STUM: variants seen among roughly 807,000 people sequenced by gnomAD.
STUM encodes the protein stum, mechanosensory transduction mediator homolog.
STUM carries 8 observed loss-of-function variants against 15.3 expected under a neutral mutation model. The ratio of observed to expected loss-of-function variants is 0.52; its 90% CI spans 0.31 to 0.94. The LOEUF is 0.94. STUM is among the 40% of genes least tolerant of loss of function. The pLI is 0.05. For synonymous variants in STUM, 78 were observed against 88.7 expected, an observed-to-expected ratio of 0.88 and a Z score of 0.68; for missense variants, 142 against 204.9, an observed-to-expected ratio of 0.69 and a Z score of 1.87.
rs1452672023 is a variant in STUM, at chr1:226,548,939, CGGCGGCGGCGGCGGT to C, written c.47_61del (p.Ala16_Ala20del). 24 of 1,449,424 alleles carry C rather than the reference CGGCGGCGGCGGCGGT, an allele frequency of 1.7e-5. No homozygotes were observed. The East Asian group carries it at 3.9e-4, about 23-fold the overall frequency. The allele number at this position is 1,449,424 out of a possible 1,614,324, so 89.8% of individuals were successfully genotyped here. On this transcript the variant is annotated inframe_deletion, in exon 1 of 4. Transcript: ENST00000366788. Reference sequence around the variant, plus strand: ...TCGCACAAAGACGCCGAGACGGCGGCGGCGGCGGCGGCGGTGGCGGCGGCGGACCCCCGGGGGGCG... The same window carrying C: ...TCGCACAAAGACGCCGAGACGGCGGCGGCGGCGGCGGACCCCCGGGGGGCG...
At chr1:226,576,806 C>T (rs984003023) in intron 1 of STUM, among the ~76,000 whole-genome samples, 20 of 152,198 alleles carry the variant, frequency 1.3e-4, no homozygotes, top group East Asian at 5.8e-4. Context: ...TGTCTAGTTC[C>T]GTGGACACAC....
At chr1:226,584,611 G>C (rs2102703854) in intron 1 of STUM, among the ~76,000 whole-genome samples, 1 of 152,192 alleles carries the variant, frequency 6.6e-6, no homozygotes, top group Non-Finnish European at 1.5e-5. Flanking sequence ...CCTGCCATTT[G>C]ACTGAGAGCC....
At chr1:226,555,442 C>A (rs1667432004) in intron 1 of STUM, among the ~76,000 whole-genome samples, 1 of 152,358 alleles carries the variant, frequency 6.6e-6, no homozygotes, top group South Asian at 2.1e-4. Flanking sequence ...CCTCCTCTTT[C>A]CCCATCTCAG....
intron 1 of STUM, among the ~76,000 whole-genome samples, chr1:226,568,533 A>G (rs116098113): frequency 6.6e-6 from 1 of 152,246 alleles, no homozygotes; most frequent in African/African-American, 2.4e-5. Context: ...TTCAACACAC[A>G]TTTAATTTTT....
rs915071873 is a variant in STUM at position 226,574,775 on chromosome 1, G to A, written c.203-22027G>A. Among the ~76,000 whole-genome samples the A allele has an allele frequency of 5.9e-5, 9 of 152,290 alleles. No homozygotes were observed. The South Asian group carries it at 6.2e-4, about 11-fold the overall frequency. On this transcript the variant is annotated intron_variant, in intron 1 of 3. Coordinates refer to ENST00000366788, the MANE Select transcript of STUM (RefSeq NM_001003665.4). ...ACCTCAGGGAGCCCGAGGTGGGGAC[G>A]TTACCGTTGCCAACTCTCAGAGTGG...
rs1668303279 is a variant in STUM, at chr1:226,603,318, GCTAGGGGTGGGGAGAAT to G, written c.*1283_*1299del. ...GGACAGGGCTAGATCCCTAATGGGG[GCTAGGGGTGGGGAGAAT>G]CTAGCAGAAGTTGTCCAGGATACTG... is the stretch of plus-strand genomic sequence containing the variant. On this transcript the variant is annotated 3_prime_UTR_variant, in exon 4 of 4. Transcript: ENST00000366788. 6.6e-6 allele frequency: 1 copy of G among 152,236 alleles called. No homozygotes were observed. Among genetic ancestry groups the G allele is most frequent in the South Asian group, 2.1e-4 (1 of 4,832 alleles). The allele number at this position is 152,236 out of a possible 1,614,324, so 9.4% of individuals were successfully genotyped here.
rs1392525335 is a variant in STUM at position 226,605,273 on chromosome 1, G to T, written c.*3233G>T. 2 of 152,418 alleles carry T rather than the reference G, an allele frequency of 1.3e-5. No homozygotes were observed. Among genetic ancestry groups the T allele is most frequent in the Non-Finnish European group, 2.9e-5 (2 of 68,212 alleles). The allele number at this position is 152,418 out of a possible 1,614,324, so 9.4% of individuals were successfully genotyped here. A position where few individuals can be genotyped will look rare whatever the true frequency, so the allele number is the denominator to read the frequency against. ...GTGCAGGGCATTTTAGCTCCTGGGAGGGGAGATGCCTTTGTGAGTTTCAGA... is the reference window on the plus strand; with the variant it reads ...GTGCAGGGCATTTTAGCTCCTGGGATGGGAGATGCCTTTGTGAGTTTCAGA... On this transcript the variant is annotated 3_prime_UTR_variant, in exon 4 of 4. Coordinates refer to ENST00000366788, the MANE Select transcript of STUM (RefSeq NM_001003665.4). The surrounding 1 kb of genome is among the most constrained non-coding windows in gnomAD (Gnocchi z 4.0).
rs1392991495 is a variant in STUM, at chr1:226,549,000, G to A, written c.96G>A (p.Val32=). ...PRGASSSSGV[V]VQVREKKGPL... is the part of the protein sequence containing the mutation. The stretch of plus-strand genomic sequence containing the variant: ...GGGCGTCCTCGTCCAGCGGGGTGGT[G>A]GTGCAGGTCCGCGAGAAGAAGGGCC... Residue 32 remains valine, a synonymous_variant, in exon 1 of 4, where the codon GTG becomes GTA. Transcript: ENST00000366788. 1 of 1,561,630 alleles carries A rather than the reference G, an allele frequency of 6.4e-7. No homozygotes were observed. The highest frequency in any genetic ancestry group is 8.6e-7 in the Non-Finnish European group (1 of 1,157,476).
At chr1:226,571,747 C>G (rs1667715201) in intron 1 of STUM, among the ~76,000 whole-genome samples, 3 of 151,994 alleles carry the variant, frequency 2.0e-5, no homozygotes, top group African/African-American at 7.3e-5. Flanking sequence ...TCAAGGGATT[C>G]TCCTGCCTCA....
Position 226,548,972 on chromosome 1 carries a change from G to A in STUM, c.68G>A (p.Arg23Gln), listed in dbSNP as rs1000914116. 30 of 1,510,606 alleles carry A rather than the reference G, an allele frequency of 2.0e-5. No individual in the cohort carries two copies. The South Asian group carries it at 2.1e-4, about 11-fold the overall frequency. 93.6% of individuals were successfully genotyped at this position (1,510,606 alleles called of 1,614,324 possible). A position where few individuals can be genotyped will look rare whatever the true frequency, so the allele number is the denominator to read the frequency against. Reference sequence around the variant, plus strand: ...GCGGCGGTGGCGGCGGCGGACCCCCGGGGGGCGTCCTCGTCCAGCGGGGTG... The same window carrying A: ...GCGGCGGTGGCGGCGGCGGACCCCCAGGGGGCGTCCTCGTCCAGCGGGGTG... ...AAAAVAAADP[R>Q]GASSSSGVVV... is the part of the protein sequence containing the mutation. Residue 23 changes from arginine to glutamine, a missense_variant, in exon 1 of 4, where the codon CGG becomes CAG. Physicochemically the swap from Arg to Gln is conservative, Grantham distance 43. Around this residue, in one of 2 missense-constraint regions of STUM, gnomAD observed 113 missense variants for 134.4 expected, o/e 0.84. Coordinates refer to ENST00000366788, the MANE Select transcript of STUM (RefSeq NM_001003665.4).
intron 1 of STUM, among the ~76,000 whole-genome samples, chr1:226,572,797 C>T (rs1343342084): frequency 2.6e-5 from 4 of 152,238 alleles, no homozygotes; most frequent in South Asian, 2.1e-4. Context: ...GCAGGAATGG[C>T]TTCCTTCTGT....
At chr1:226,579,374 G>C (rs996278215) in intron 1 of STUM, among the ~76,000 whole-genome samples, 4 of 152,196 alleles carry the variant, frequency 2.6e-5, no homozygotes, top group African/African-American at 9.7e-5. Flanking sequence ...GCCAGGTGCT[G>C]GGCTGCGTGC....
At chr1:226,583,959 T>A (rs1465159574) in intron 1 of STUM, among the ~76,000 whole-genome samples, 2 of 152,214 alleles carry the variant, frequency 1.3e-5, no homozygotes, top group African/African-American at 4.8e-5. Context: ...ACACTCTTGT[T>A]CCAACTATCT....
intron 1 of STUM, among the ~76,000 whole-genome samples, chr1:226,566,747 C>T (rs1667632009): frequency 1.3e-5 from 2 of 152,216 alleles, no homozygotes. Context: ...TCACAAAACA[C>T]ATCTTATATT....
chr1:226,593,015 G>A (rs531500190), intron 1 of STUM, among the ~76,000 whole-genome samples: 3 of 152,258 alleles, frequency 2.0e-5, no homozygotes, highest in African/African-American at 4.8e-5. Context: ...GGGAAACCCC[G>A]TCTCGACTAA....
rs1668253497 is a variant in STUM, at chr1:226,600,976, T to C, written c.391+302T>C. 6.6e-6 allele frequency among the ~76,000 whole-genome samples: 1 copy of C among 152,076 alleles called. No homozygotes were observed. The highest frequency in any genetic ancestry group is 2.4e-5 in the African/African-American group (1 of 41,402). The stretch of plus-strand genomic sequence containing the variant: ...AGCATGGGTTATTAGCACCCAAAAT[T>C]GAGAAATACTCTGCTAAATGAAGAG... On this transcript the variant is annotated intron_variant, in intron 3 of 3. Coordinates refer to ENST00000366788, the MANE Select transcript of STUM (RefSeq NM_001003665.4). The surrounding 1 kb of genome is among the most constrained non-coding windows in gnomAD (Gnocchi z 5.2).
chr1:226,568,314 G>C (rs910913634), intron 1 of STUM, among the ~76,000 whole-genome samples: 16 of 152,212 alleles, frequency 1.1e-4, no homozygotes, highest in African/African-American at 3.9e-4. Context: ...GAGTCCCACT[G>C]CGGGTTCAGG....
chr1:226,601,967 C>A, intron 3 of STUM, 39 bp from the exon 4 acceptor site: 1 of 1,594,630 alleles, frequency 6.3e-7, no homozygotes. Context: ...CTGAAGTAAG[C>A]AGGTGTCTAA....
At chr1:226,581,991 G>C (rs530767651) in intron 1 of STUM, among the ~76,000 whole-genome samples, 46 of 152,292 alleles carry the variant, frequency 3.0e-4, no homozygotes, top group South Asian at 4.1e-4. Flanking sequence ...GCAGCCTTCT[G>C]CCCTGCCCCT....
Sources: allele counts gnomAD v4.1 joint callset (sites outside exome capture counted in the v4.1 genomes callset), GRCh38; gene constraint gnomAD v4.1.1; regional missense constraint gnomAD v4.1.1; non-coding constraint Gnocchi (gnomAD v3.1); transcripts MANE v1.5; gene names NCBI Gene and HGNC (gene_info 2026-07-23, HGNC 2026-07-21).